PLXDC2: variants seen among roughly 807,000 people sequenced by gnomAD.
The protein encoded by PLXDC2 is plexin domain containing 2, also known as plexin domain-containing protein 2.
A neutral mutation model predicts 68.9 loss-of-function variants in PLXDC2; 40 were observed. The ratio of observed to expected loss-of-function variants is 0.58; its 90% confidence interval spans 0.45 to 0.76. The LOEUF (loss-of-function observed/expected upper bound fraction) is 0.76. Among genes scored for constraint, PLXDC2 ranks in the 30% least tolerant of loss-of-function variants. PLXDC2 has a pLI of 0.00. For missense variants in PLXDC2, 644 were observed against 661.9 expected (o/e 0.97, Z 0.30); for synonymous variants, 243 against 234.2 (o/e 1.04, Z -0.34).
intron 12 of PLXDC2, among the ~76,000 whole-genome samples, chr10:20,228,476 TGCTTGAGACTGG>T (rs998561618): frequency 3.3e-5 from 5 of 151,758 alleles, no homozygotes; most frequent in Non-Finnish European, 5.9e-5. Context: ...GTGGGAGGAT[TGCTTGAGACTGG>T]GAGGTCAAGG....
At chr10:19,824,150 G>A (rs1181224953) in intron 1 of PLXDC2, among the ~76,000 whole-genome samples, 3 of 152,208 alleles carry the variant, frequency 2.0e-5, no homozygotes, top group Non-Finnish European at 4.4e-5. Context: ...CAGAGACAGG[G>A]TGAGAGACCT....
At chr10:20,233,913 T>C (rs947369710) in intron 12 of PLXDC2, among the ~76,000 whole-genome samples, 2 of 152,086 alleles carry the variant, frequency 1.3e-5, no homozygotes, top group African/African-American at 4.8e-5. Context: ...CTGGAACTCT[T>C]GGGCTCAAGC....
chr10:20,139,407 G>A (rs1833972499), intron 4 of PLXDC2, among the ~76,000 whole-genome samples: 1 of 152,220 alleles, frequency 6.6e-6, no homozygotes, highest in South Asian at 2.1e-4. Context: ...ATGAGCAGAT[G>A]AGTGCTATTT....
At chr10:19,919,042 G>A (rs562944823) in intron 1 of PLXDC2, among the ~76,000 whole-genome samples, 6 of 152,318 alleles carry the variant, frequency 3.9e-5, no homozygotes, top group African/African-American at 1.4e-4. Flanking sequence ...GAGAAGCGCA[G>A]TGTTGATTAT....
At chr10:20,182,757 C>T (rs1187040751) in intron 9 of PLXDC2, among the ~76,000 whole-genome samples, 2 of 151,712 alleles carry the variant, frequency 1.3e-5, no homozygotes, top group Non-Finnish European at 2.9e-5. Context: ...TATACATGTG[C>T]CATGGTGGTT....
chr10:19,891,072 G>A (rs998048548), intron 1 of PLXDC2, among the ~76,000 whole-genome samples: 53 of 152,002 alleles, frequency 3.5e-4, no homozygotes, highest in African/African-American at 1.2e-3. Context: ...CTATGCAATG[G>A]CAAGACATCT....
chr10:20,176,694 T>C (rs945981759), intron 7 of PLXDC2, among the ~76,000 whole-genome samples: 1 of 152,146 alleles, frequency 6.6e-6, no homozygotes, highest in South Asian at 2.1e-4. Context: ...TCAAAATCTT[T>C]GAAAATATGT....
At chr10:19,930,197 A>T (rs2131388403) in intron 1 of PLXDC2, among the ~76,000 whole-genome samples, 1 of 152,266 alleles carries the variant, frequency 6.6e-6, no homozygotes, top group African/African-American at 2.4e-5. Context: ...CCATTTTAGG[A>T]GATTATTTCA....
intron 1 of PLXDC2, among the ~76,000 whole-genome samples, chr10:19,874,371 C>T (rs1248074566): frequency 1.3e-5 from 2 of 152,140 alleles, no homozygotes; most frequent in Non-Finnish European, 2.9e-5. Flanking sequence ...CTGAGGGGAG[C>T]AACTCACTTT....
chr10:20,207,495 G>A (rs1835008621), intron 9 of PLXDC2, among the ~76,000 whole-genome samples: 1 of 152,142 alleles, frequency 6.6e-6, no homozygotes, highest in South Asian at 2.1e-4. Flanking sequence ...AACAAACCGT[G>A]CTTTAAGAAC....
chr10:19,877,038 G>C (rs1164599137), intron 1 of PLXDC2, among the ~76,000 whole-genome samples: 2 of 152,222 alleles, frequency 1.3e-5, no homozygotes, highest in Non-Finnish European at 2.9e-5. Flanking sequence ...TTAAAGATTT[G>C]AAGATGACCT....
chr10:20,076,220 A>G (rs1379523648), intron 4 of PLXDC2, among the ~76,000 whole-genome samples: 1 of 152,220 alleles, frequency 6.6e-6, no homozygotes, highest in Non-Finnish European at 1.5e-5. Flanking sequence ...GACCCTGGCC[A>G]TTTCAGAAAT....
At chr10:20,224,005 C>T (rs1409422081) in intron 12 of PLXDC2, among the ~76,000 whole-genome samples, 4 of 141,970 alleles carry the variant, frequency 2.8e-5, no homozygotes, top group Non-Finnish European at 4.5e-5. Flanking sequence ...GATAGGGTCT[C>T]ACTTTGTCCC....
rs1836350025 is a variant in PLXDC2, at chr10:19,816,771, G to A, written c.-309G>A. 6.3e-6 allele frequency: 3 copies of A among 473,008 alleles called. No homozygotes were observed. In the East Asian group the frequency reaches 1.1e-4, roughly 18 times the overall value. The allele number at this position is 473,008 out of a possible 1,614,324, so 29.3% of individuals were successfully genotyped here. A position where few individuals can be genotyped will look rare whatever the true frequency, so the allele number is the denominator to read the frequency against. ...GGGTTGGCGCTGCCCGAGTGGAACC[G>A]ACAGTTTGCGAGCCTCGGCTGCAAG... On this transcript the variant is annotated 5_prime_UTR_variant, in exon 1 of 14. Transcript: ENST00000377252.
At chr10:19,920,408 C>T (rs1370665379) in intron 1 of PLXDC2, among the ~76,000 whole-genome samples, 2 of 152,232 alleles carry the variant, frequency 1.3e-5, no homozygotes, top group Admixed American at 1.3e-4. Flanking sequence ...AGCAGGCAGA[C>T]ACAAAGATGG....
intron 1 of PLXDC2, among the ~76,000 whole-genome samples, chr10:19,890,215 GTTAA>G (rs1327590023): frequency 2.0e-5 from 3 of 151,858 alleles, no homozygotes; most frequent in African/African-American, 7.3e-5. Context: ...TTTTCATTTT[GTTAA>G]TTAATTTTTT....
chr10:20,133,320 C>T (rs879786893), intron 4 of PLXDC2, among the ~76,000 whole-genome samples: 10 of 152,034 alleles, frequency 6.6e-5, no homozygotes, highest in African/African-American at 9.7e-5. Context: ...CATATATTTT[C>T]GCGTTGTTAG....
chr10:19,885,428 C>T (rs1051598487), intron 1 of PLXDC2, among the ~76,000 whole-genome samples: 22 of 152,226 alleles, frequency 1.4e-4, no homozygotes, highest in South Asian at 6.2e-4. Context: ...AGTCCTTGCC[C>T]GTGCCTATGT....
chr10:19,837,284 A>G (rs1470667202), intron 1 of PLXDC2, among the ~76,000 whole-genome samples: 2 of 152,160 alleles, frequency 1.3e-5, no homozygotes, highest in Non-Finnish European at 2.9e-5. Flanking sequence ...CAAAAGTTAA[A>G]ACACATAAGC....
Sources: allele counts gnomAD v4.1 joint callset (sites outside exome capture counted in the v4.1 genomes callset), GRCh38; gene constraint gnomAD v4.1.1; transcripts MANE v1.5; gene names NCBI Gene and HGNC (gene_info 2026-07-23, HGNC 2026-07-21).